Variants in NWD2 observed in about 807,000 individuals in gnomAD.
The protein encoded by NWD2 is NACHT and WD repeat domain-containing protein 2.
In NWD2, 37 loss-of-function variants were observed where a neutral mutation model predicts 132.7. The observed-to-expected ratio is 0.28, with a 90% CI of 0.21 to 0.37. The LOEUF is 0.37. NWD2 is among the 10% of genes least tolerant of loss of function. The pLI is 1.00. For synonymous variants in NWD2, 705 were observed against 803.0 expected (o/e 0.88, Z 2.06); for missense variants, 1,592 against 2,122.4 (o/e 0.75, Z 4.91).
In NWD2 at chr4:37,446,836, C is replaced by T. The variant is rs1000549453; in HGVS notation, c.4848C>T (p.Tyr1616=). ...AAAATATCGGTGCTTGTTCCCTTTA[C>T]AAAACACCAACTTTCCTTGCACTCT... ...DGKNIGACSL[Y]KTPTFLALSQ... The change falls in exon 7 of 7, where the codon TAC becomes TAT. Residue 1616 remains tyrosine, a synonymous_variant. Coordinates refer to ENST00000309447, the MANE Select transcript of NWD2 (RefSeq NM_001144990.2). This position sits in a 1 kb window ranked among gnomAD's most constrained non-coding sequence, Gnocchi z 6.7. 2.8e-5 allele frequency: 43 copies of T among 1,551,742 alleles called. No homozygotes were observed. In the Admixed American group the frequency reaches 8.2e-4, roughly 30 times the overall value.
rs78086173 is a variant in NWD2, at chr4:37,444,246, G to A, written c.2258G>A (p.Arg753His). ...TATCTGCAGGATGACAATGACCTGCGTGAAATGCACACCATCTTAGCAGAT... is the reference window on the plus strand; with the variant it reads ...TATCTGCAGGATGACAATGACCTGCATGAAATGCACACCATCTTAGCAGAT... Reference protein sequence around the residue: ...KLYLQDDNDLREMHTILADYF... With the variant: ...KLYLQDDNDLHEMHTILADYF... Residue 753 changes from arginine (R) to histidine (H), a missense_variant, in exon 7 of 7, where the codon CGT (arginine) becomes CAT (histidine). Arg to His is a conservative substitution (Grantham distance 29). Transcript: ENST00000309447. This position sits in a 1 kb window ranked among gnomAD's most constrained non-coding sequence, Gnocchi z 4.8. 1.9e-3 allele frequency: 2,901 copies of A among 1,551,710 alleles called. 7 individuals are homozygous for A. The highest frequency in any genetic ancestry group is 2.1e-3 in the Non-Finnish European group (2,359 of 1,146,982).
At chr4:37,376,133 G>A (rs1224324535) in intron 3 of NWD2, among the ~76,000 whole-genome samples, 1 of 152,090 alleles carries the variant, frequency 6.6e-6, no homozygotes, top group Non-Finnish European at 1.5e-5. Context: ...TTCTGTGAAG[G>A]TAAACTCTAA....
At chr4:37,265,689 C>G (rs1454742304) in intron 1 of NWD2, among the ~76,000 whole-genome samples, 1 of 151,974 alleles carries the variant, frequency 6.6e-6, no homozygotes, top group African/African-American at 2.4e-5. Context: ...TTCTCTGATT[C>G]TGCTTTTGTG....
intron 1 of NWD2, among the ~76,000 whole-genome samples, chr4:37,268,588 A>T (rs1210428355): frequency 6.6e-6 from 1 of 151,926 alleles, no homozygotes; most frequent in Non-Finnish European, 1.5e-5. Flanking sequence ...TGTTGATAAG[A>T]CAATTATAAA....
chr4:37,271,240 A>G (rs1290235829), intron 1 of NWD2, among the ~76,000 whole-genome samples: 2 of 151,818 alleles, frequency 1.3e-5, no homozygotes, highest in African/African-American at 4.8e-5. Context: ...CTAATTTTCC[A>G]TGTAAATATT....
intron 1 of NWD2, among the ~76,000 whole-genome samples, chr4:37,325,289 G>A (rs760866872): frequency 6.6e-6 from 1 of 152,062 alleles, no homozygotes; most frequent in Non-Finnish European, 1.5e-5. Flanking sequence ...AGGTTTACAT[G>A]GTATGACATA....
At chr4:37,341,705 T>C (rs969325660) in intron 2 of NWD2, among the ~76,000 whole-genome samples, 5 of 152,206 alleles carry the variant, frequency 3.3e-5, no homozygotes, top group African/African-American at 1.2e-4. Context: ...CCTGTGTGAC[T>C]TTGGACAAGT....
chr4:37,376,762 A>T (rs1283305107), intron 3 of NWD2, among the ~76,000 whole-genome samples: 1 of 152,194 alleles, frequency 6.6e-6, no homozygotes, highest in Non-Finnish European at 1.5e-5. Flanking sequence ...ACTTTTAAAA[A>T]TATTGGTCCA....
chr4:37,401,442 T>G (rs942427321), intron 3 of NWD2, among the ~76,000 whole-genome samples: 1 of 152,156 alleles, frequency 6.6e-6, no homozygotes, highest in African/African-American at 2.4e-5. Flanking sequence ...CCTGTGTGGT[T>G]TACAGACTCA....
chr4:37,310,790 C>A (rs1280399590), intron 1 of NWD2, among the ~76,000 whole-genome samples: 3 of 109,120 alleles, frequency 2.7e-5, no homozygotes, highest in East Asian at 6.6e-4. Context: ...CCCCTCCCCC[C>A]ACCCCACAAC....
chr4:37,344,286 G>GT (rs1719587400), intron 2 of NWD2, among the ~76,000 whole-genome samples: 1 of 152,068 alleles, frequency 6.6e-6, no homozygotes, highest in African/African-American at 2.4e-5. Flanking sequence ...TTTGTATTGC[G>GT]TGAGTTGGCT....
intron 1 of NWD2, among the ~76,000 whole-genome samples, chr4:37,311,071 G>A (rs1320041792): frequency 6.6e-6 from 1 of 151,958 alleles, no homozygotes; most frequent in Non-Finnish European, 1.5e-5. Flanking sequence ...CTTTGCTATT[G>A]TGAATAGTGC....
intron 3 of NWD2, among the ~76,000 whole-genome samples, chr4:37,422,961 T>C: frequency 6.6e-6 from 1 of 151,802 alleles, no homozygotes; most frequent in East Asian, 1.9e-4. Context: ...ACAGGCTCAC[T>C]GTGTACACAT....
intron 1 of NWD2, among the ~76,000 whole-genome samples, chr4:37,254,604 G>C (rs1717473874): frequency 6.6e-6 from 1 of 152,158 alleles, no homozygotes; most frequent in African/African-American, 2.4e-5. Context: ...AGACACTCTT[G>C]CATCACTTCT....
intron 3 of NWD2, among the ~76,000 whole-genome samples, chr4:37,374,566 G>T (rs182502997): frequency 6.6e-6 from 1 of 152,262 alleles, no homozygotes; most frequent in East Asian, 1.9e-4. Context: ...AGACAACAGA[G>T]AATGGAAATC....
rs142629900 is a variant in NWD2, at chr4:37,279,119, G to A, written c.151+33901G>A. Among the ~76,000 whole-genome samples, 99 of 152,108 alleles carry A rather than the reference G, an allele frequency of 6.5e-4. 1 individual carries two copies. In the East Asian group the frequency reaches 0.017, roughly 26 times the overall value. On this transcript the variant is annotated intron_variant, in intron 1 of 6. Transcript: ENST00000309447. ...AGACAATTTGCTGTGAAGTTTTTTG[G>A]TTTTAGGTCTATCTGTGGCAAGTTC...
chr4:37,247,640 G>A (rs1054488771), intron 1 of NWD2, among the ~76,000 whole-genome samples: 7 of 151,174 alleles, frequency 4.6e-5, no homozygotes, highest in Non-Finnish European at 7.4e-5. Context: ...ACAGAGTCTC[G>A]CTCTTGTCAC....
chr4:37,346,957 T>C (rs1231322093), intron 2 of NWD2, among the ~76,000 whole-genome samples: 1 of 152,150 alleles, frequency 6.6e-6, no homozygotes, highest in Non-Finnish European at 1.5e-5. Flanking sequence ...TTATAGTTTA[T>C]AGCTAGAAAT....
intron 3 of NWD2, among the ~76,000 whole-genome samples, chr4:37,365,074 C>T (rs1437017583): frequency 6.6e-6 from 1 of 152,186 alleles, no homozygotes; most frequent in Non-Finnish European, 1.5e-5. Context: ...CTCACCTTCT[C>T]ATCACTCTCC....
Sources: gnomAD v4.1 joint callset for allele counts (sites outside exome capture counted in the v4.1 genomes callset) on GRCh38, gnomAD v4.1.1 for gene constraint, Gnocchi (gnomAD v3.1) non-coding constraint, MANE v1.5 for transcripts, NCBI Gene and HGNC (gene_info 2026-07-23, HGNC 2026-07-21) for gene names.